Variants in PCDHGA6 observed in about 807,000 individuals in gnomAD.
The protein encoded by PCDHGA6 is protocadherin gamma-A6.
A neutral mutation model predicts 60.6 loss-of-function variants in PCDHGA6; 41 were observed. The ratio of observed to expected loss-of-function variants is 0.68; its 90% CI spans 0.53 to 0.88. The LOEUF (loss-of-function observed/expected upper bound fraction) is 0.88. Ranked by LOEUF, PCDHGA6 falls within the 40% of genes least tolerant of loss-of-function variation. PCDHGA6 has a pLI of 0.00. For missense variants in PCDHGA6, 1,312 were observed against 1,203.0 expected (o/e 1.09, Z -1.34); for synonymous variants, 594 against 524.4 (o/e 1.13, Z -1.81).
rs1240795815 is a variant in PCDHGA6 at position 141,374,837 on chromosome 5, C to T, written c.754C>T (p.Pro252Ser). The change falls in exon 1 of 4, where the codon CCT becomes TCT. Residue 252 changes from proline to serine, a missense_variant. By Grantham distance (74) the Pro-to-Ser change is moderately conservative. Coordinates refer to ENST00000517434, the MANE Select transcript of PCDHGA6 (RefSeq NM_018919.3). Reference protein sequence around the residue: ...FTQPVYRVSVPENLPVGTPVL... With the variant: ...FTQPVYRVSVSENLPVGTPVL... The stretch of plus-strand genomic sequence containing the variant: ...TCAGCCTGTCTACCGTGTAAGTGTT[C>T]CTGAAAACCTGCCAGTAGGCACACC... The T allele has an allele frequency of 6.2e-7, 1 of 1,613,766 alleles. No individual in the cohort carries two copies. Among genetic ancestry groups the T allele is most frequent in the Non-Finnish European group, 8.5e-7 (1 of 1,179,908 alleles).
chr5:141,505,342 T>C (rs2099845433), intron 2 of PCDHGA6, 51 bp from the exon 3 acceptor site: 1 of 1,612,738 alleles, frequency 6.2e-7, no homozygotes, highest in African/African-American at 1.3e-5. Flanking sequence ...AGGAGGGGCA[T>C]GAGCTGTGCC....
At chr5:141,388,064 G>A in intron 1 of PCDHGA6, 1 of 1,376,092 alleles carries the variant, frequency 7.3e-7, no homozygotes, top group South Asian at 1.3e-5. Context: ...GCGTCCAGGA[G>A]TTACCGACTC....
intron 1 of PCDHGA6, chr5:141,400,326 T>A: frequency 6.2e-7 from 1 of 1,614,104 alleles, no homozygotes; most frequent in Non-Finnish European, 8.5e-7. Flanking sequence ...AGTCTGGACC[T>A]GTGGTTCCCC....
intron 1 of PCDHGA6, chr5:141,413,140 A>G: frequency 1.3e-6 from 2 of 1,563,150 alleles, no homozygotes; most frequent in Non-Finnish European, 1.7e-6. Context: ...CAACGTGTCC[A>G]GTGAGGACTT....
Position 141,491,858 on chromosome 5 carries a change from A to G in PCDHGA6, c.2425-2949A>G, listed in dbSNP as rs17208425. 297,575 of 1,456,446 alleles carry G rather than the reference A, an allele frequency of 0.2. 31,644 individuals are homozygous for G. The highest frequency in any genetic ancestry group is 0.33 in the Admixed American group (11,758 of 35,494). 90.2% of individuals were successfully genotyped at this position (1,456,446 alleles called of 1,614,324 possible). On this transcript the variant is annotated intron_variant, in intron 1 of 3. Transcript: ENST00000517434. This position sits in a 1 kb window ranked among gnomAD's most constrained non-coding sequence, Gnocchi z 6.9. ...TCGGGATCATTGGACCGTTTGCGCG[A>G]AACCAGAGTGGCCGATTAAGGGATG... is the stretch of plus-strand genomic sequence containing the variant.
intron 1 of PCDHGA6, chr5:141,414,493 GCT>G: frequency 6.2e-7 from 1 of 1,613,950 alleles, no homozygotes; most frequent in Non-Finnish European, 8.5e-7. Context: ...ATCAACGGAA[GCT>G]CACTTTATGC....
chr5:141,423,150 G>A, intron 1 of PCDHGA6: 1 of 1,613,538 alleles, frequency 6.2e-7, no homozygotes, highest in Non-Finnish European at 8.5e-7. Flanking sequence ...CGCTCAAGCA[G>A]AGCCTCGTGG....
At chr5:141,410,132 G>T (rs1278988827) in intron 1 of PCDHGA6, 1 of 1,612,754 alleles carries the variant, frequency 6.2e-7, no homozygotes, top group Non-Finnish European at 8.5e-7. Flanking sequence ...GCGCCTGCTG[G>T]TCGCTGTGCG....
At chr5:141,395,078 G>T (rs756312673) in intron 1 of PCDHGA6, 3 of 1,614,126 alleles carry the variant, frequency 1.9e-6, no homozygotes, top group South Asian at 1.1e-5. Context: ...CCTATTCCCA[G>T]GAAGTCTCCC....
chr5:141,381,826 C>CTTTTTTTTTTTTTTTTTTTTTTTTTTTTT (rs770630741), intron 1 of PCDHGA6, among the ~76,000 whole-genome samples: 16 of 74,292 alleles, frequency 2.2e-4, no homozygotes, highest in Admixed American at 5.8e-4. Context: ...CTTTCTTCTT[C>CTTTTTTTTTTTTTTTTTTTTTTTTTTTTT]TTTTTTTTTT....
chr5:141,402,882 G>C, intron 1 of PCDHGA6: 2 of 1,479,680 alleles, frequency 1.4e-6, no homozygotes, highest in East Asian at 4.8e-5. Context: ...TACTTTGCAG[G>C]GTGGAAGAAA....
intron 1 of PCDHGA6, chr5:141,408,971 C>A: frequency 6.2e-7 from 1 of 1,613,816 alleles, no homozygotes; most frequent in Non-Finnish European, 8.5e-7. Context: ...AAATCTGCCC[C>A]CTGGGTCCCC....
At chr5:141,464,862 C>T (rs1166573359) in intron 1 of PCDHGA6, among the ~76,000 whole-genome samples, 1 of 152,076 alleles carries the variant, frequency 6.6e-6, no homozygotes, top group African/African-American at 2.4e-5. Context: ...CCTTAGCCTC[C>T]CAAGTAGCTA....
chr5:141,422,150 T>C (rs773805631), intron 1 of PCDHGA6: 23 of 1,577,056 alleles, frequency 1.5e-5, no homozygotes, highest in Non-Finnish European at 1.8e-5. Context: ...CGGGGGTCTC[T>C]GGATTTTGAA....
intron 1 of PCDHGA6, among the ~76,000 whole-genome samples, chr5:141,450,233 G>A (rs2098674391): frequency 6.6e-6 from 1 of 152,026 alleles, no homozygotes; most frequent in Non-Finnish European, 1.5e-5. Flanking sequence ...GGCCAGGCTA[G>A]TCTTGAACTC....
In PCDHGA6 at chr5:141,489,255, A is replaced by G. The variant is rs909780010; in HGVS notation, c.2425-5552A>G. 2 of 1,548,804 alleles carry G rather than the reference A, an allele frequency of 1.3e-6. No individual in the cohort carries two copies. Among genetic ancestry groups the G allele is most frequent in the Non-Finnish European group, 1.7e-6 (2 of 1,147,848 alleles). On this transcript the variant is annotated intron_variant, in intron 1 of 3. Coordinates refer to ENST00000517434, the MANE Select transcript of PCDHGA6 (RefSeq NM_018919.3). The surrounding 1 kb of genome is among the most constrained non-coding windows in gnomAD (Gnocchi z 4.5). ...ACTTCTGGGTCATGGGGCCCAAGAC[A>G]CTCCCACAGCTCGCTGGGAAATGGC...
chr5:141,384,717 C>T (rs575459465), intron 1 of PCDHGA6: 3 of 1,614,166 alleles, frequency 1.9e-6, no homozygotes, highest in African/African-American at 2.7e-5. Flanking sequence ...GGCTGTCATA[C>T]CTCCTGCTTA....
At chr5:141,497,272 T>G (rs568198729) in intron 2 of PCDHGA6, among the ~76,000 whole-genome samples, 20 of 152,254 alleles carry the variant, frequency 1.3e-4, no homozygotes, top group African/African-American at 4.3e-4. Flanking sequence ...CTAGGCCATT[T>G]ATGTTCCCTC....
intron 1 of PCDHGA6, chr5:141,377,467 A>G (rs1170946460): frequency 1.3e-5 from 2 of 152,076 alleles, no homozygotes; most frequent in Non-Finnish European, 2.9e-5. Context: ...TGTGTGGCGT[A>G]CACCTGTAGT....
Sources: allele counts gnomAD v4.1 joint callset (sites outside exome capture counted in the v4.1 genomes callset), GRCh38; gene constraint gnomAD v4.1.1; non-coding constraint Gnocchi (gnomAD v3.1); transcripts MANE v1.5; gene names NCBI Gene and HGNC (gene_info 2026-07-23, HGNC 2026-07-21).